The following DDX60 variants were observed in gnomAD, a reference collection of about 807,000 sequenced individuals.
DDX60 encodes the protein probable ATP-dependent RNA helicase DDX60.
Under a neutral mutation model 212.8 loss-of-function variants are expected in DDX60, and 165 were observed. The observed-to-expected ratio is 0.78, with a 90% confidence interval of 0.68 to 0.88. The LOEUF (loss-of-function observed/expected upper bound fraction) is 0.88. DDX60 is among the 40% of genes least tolerant of loss of function. The pLI is 0.00. For synonymous variants in DDX60, 703 were observed against 685.3 expected (o/e 1.03, Z -0.40); for missense variants, 1,905 against 2,003.9 (o/e 0.95, Z 0.94).
At chr4:168,233,510 A>G (rs1253014869) in intron 33 of DDX60, among the ~76,000 whole-genome samples, 1 of 152,102 alleles carries the variant, frequency 6.6e-6, no homozygotes, top group African/African-American at 2.4e-5. Flanking sequence ...CATATGTATT[A>G]TGGAATACTA....
intron 33 of DDX60, among the ~76,000 whole-genome samples, chr4:168,225,934 C>T (rs1347670958): frequency 6.6e-6 from 1 of 152,008 alleles, no homozygotes; most frequent in Non-Finnish European, 1.5e-5. Context: ...ATCAAAACCA[C>T]TTTTAAATAG....
intron 14 of DDX60, among the ~76,000 whole-genome samples, chr4:168,279,080 G>A (rs966839066): frequency 6.6e-6 from 1 of 152,138 alleles, no homozygotes; most frequent in African/African-American, 2.4e-5. Flanking sequence ...GGTACTAGGT[G>A]GCAATGCTGC....
Position 168,224,227 on chromosome 4 carries a change from C to G in DDX60, c.4824+16G>C. ...TCTTAAACAGCTTTTATTAATAAAC[C>G]CCACTCTTCACTTACATGGTTTGGA... On this transcript the variant is annotated intron_variant, in intron 35 of 37. Coordinates refer to ENST00000393743, the MANE Select transcript of DDX60 (RefSeq NM_017631.6). 6.2e-7 allele frequency: 1 copy of G among 1,611,250 alleles called. No individual in the cohort carries two copies. The highest frequency in any genetic ancestry group is 8.5e-7 in the Non-Finnish European group (1 of 1,178,258).
At chr4:168,224,128 GA>G in intron 35 of DDX60, 114 bp downstream of exon 35, 1 of 1,123,530 alleles carries the variant, frequency 8.9e-7, no homozygotes, top group Non-Finnish European at 1.3e-6. Flanking sequence ...GATACACCCA[GA>G]TTTTTTTTTT....
chr4:168,248,292 C>T lies in DDX60; in HGVS notation c.3859G>A (p.Val1287Met). 4 of 1,585,792 alleles carry T rather than the reference C, an allele frequency of 2.5e-6. No homozygotes were observed. The highest frequency in any genetic ancestry group is 2.6e-6 in the Non-Finnish European group (3 of 1,168,506). The change falls in exon 29 of 38, where the codon GTG (valine) becomes ATG (methionine). Residue 1287 changes from valine to methionine, a missense_variant and splice_region_variant. Physicochemically the swap from Val to Met is conservative, Grantham distance 21 (BLOSUM62 1). Transcript: ENST00000393743. ...EILFRKGYLR[V>M]VTATGTLALG... ...GCAAGTGTTCCAGTAGCTGTCACCA[C>T]CTTGAAAGAGAATAAAACAATTACT...
chr4:168,251,535 C>T (rs1050818903), intron 27 of DDX60, among the ~76,000 whole-genome samples: 1 of 152,114 alleles, frequency 6.6e-6, no homozygotes, highest in Non-Finnish European at 1.5e-5. Flanking sequence ...CACAAATGGA[C>T]TTAAAAATAT....
chr4:168,291,969 T>G (rs1219348185), intron 7 of DDX60, 63 bp from the exon 8 acceptor site: 3 of 1,227,916 alleles, frequency 2.4e-6, no homozygotes, highest in Non-Finnish European at 3.3e-6. Context: ...ATAATAAGCA[T>G]CTAGGACCAC....
chr4:168,297,403 A>AG (rs1378366160), intron 6 of DDX60, among the ~76,000 whole-genome samples: 1 of 149,752 alleles, frequency 6.7e-6, no homozygotes, highest in African/African-American at 2.5e-5. Context: ...AAAGAAAGAA[A>AG]GACAATAAAT....
intron 6 of DDX60, among the ~76,000 whole-genome samples, chr4:168,294,756 C>T (rs1736267171): frequency 6.6e-6 from 1 of 152,092 alleles, no homozygotes; most frequent in South Asian, 2.1e-4. Flanking sequence ...CCCACCTAGG[C>T]CTCCCAAAGT....
chr4:168,263,161 T>C (rs540268234), intron 22 of DDX60, among the ~76,000 whole-genome samples: 1 of 152,296 alleles, frequency 6.6e-6, no homozygotes, highest in South Asian at 2.1e-4. Flanking sequence ...AAGAATGTGA[T>C]TCTTTACTTT....
In DDX60 at chr4:168,268,928, T is replaced by G; in HGVS notation, c.2712A>C (p.Glu904Asp). Residue 904 changes from glutamate (E) to aspartate (D), a missense_variant, in exon 20 of 38, where the codon GAA (glutamate) becomes GAC (aspartate). Coordinates refer to ENST00000393743, the MANE Select transcript of DDX60 (RefSeq NM_017631.6). ...GACATCGGATCATGACAAGGAGATGTTCCCAGATTTCTGCTCCAATTTCTC... is the reference window on the plus strand; with the variant it reads ...GACATCGGATCATGACAAGGAGATGGTCCCAGATTTCTGCTCCAATTTCTC... ...LGGEIGAEIW[E>D]HLLVMIRCPF... is the part of the protein sequence containing the mutation. 1.3e-6 allele frequency: 2 copies of G among 1,591,710 alleles called. No homozygotes were observed. The highest frequency in any genetic ancestry group is 2.3e-5 in the South Asian group (2 of 87,226).
At chr4:168,316,795 A>T (rs1306752677) in intron 1 of DDX60, among the ~76,000 whole-genome samples, 2 of 152,086 alleles carry the variant, frequency 1.3e-5, no homozygotes, top group African/African-American at 2.4e-5. Flanking sequence ...CCCAGCCAAA[A>T]AAAAAAGAAA....
At chr4:168,232,692 C>T (rs1733498083) in intron 33 of DDX60, among the ~76,000 whole-genome samples, 1 of 152,010 alleles carries the variant, frequency 6.6e-6, no homozygotes, top group African/African-American at 2.4e-5. Flanking sequence ...TATCTCTCAC[C>T]TTATACAAAA....
At position 168,251,092 on chromosome 4, in the gene DDX60, T is replaced by C; in HGVS notation, c.3720A>G (p.Val1240=). 6.2e-7 allele frequency: 1 copy of C among 1,612,356 alleles called. No homozygotes were observed. The highest frequency in any genetic ancestry group is 1.7e-5 in the Admixed American group (1 of 59,832). ...TTCTTTCAAATTTTACTCGACCAAA[T>C]ACCTTCTGCAAAGTCTAAAAGAAGC... ...KAVDTETLQK[V]FGRVKFERKG... The change falls in exon 28 of 38, where the codon GTA becomes GTG. Residue 1240 remains valine, a synonymous_variant. Coordinates refer to ENST00000393743, the MANE Select transcript of DDX60 (RefSeq NM_017631.6).
chr4:168,255,810 T>C lies in DDX60; in HGVS notation c.3458A>G (p.Lys1153Arg). Reference protein sequence around the residue: ...AESVSTFLKKKQETKRPPKAD... With the variant: ...AESVSTFLKKRQETKRPPKAD... ...TTTGGGAGGCCTTTTTGTCTCCTGC[T>C]TTTTCTTTAGGAAAGTGCTCACACT... Residue 1153 changes from lysine (K) to arginine (R), a missense_variant, in exon 26 of 38, where the codon AAG becomes AGG. Lys to Arg is a conservative substitution (Grantham distance 26). Transcript: ENST00000393743. 6.2e-7 allele frequency: 1 copy of C among 1,608,322 alleles called. No homozygotes were observed. Among genetic ancestry groups the C allele is most frequent in the South Asian group, 1.1e-5 (1 of 89,330 alleles).
At position 168,250,940 on chromosome 4, in the gene DDX60, G is replaced by A; in HGVS notation, c.3858+14C>T. ...TCACAATTTCAATTTTTAGAATGAA[G>A]AAAATTCACCTACCCTAAGATATCC... On this transcript the variant is annotated intron_variant, in intron 28 of 37. Coordinates refer to ENST00000393743, the MANE Select transcript of DDX60 (RefSeq NM_017631.6). 6.4e-7 allele frequency: 1 copy of A among 1,557,336 alleles called. No homozygotes were observed. The highest frequency in any genetic ancestry group is 1.2e-5 in the South Asian group (1 of 82,830).
At chr4:168,217,132 T>C (rs1732875876) in intron 37 of DDX60, 100 bp from the exon 38 acceptor site, 1 of 699,426 alleles carries the variant, frequency 1.4e-6, no homozygotes, top group African/African-American at 1.9e-5. Context: ...TCCCATCAGA[T>C]GATGAAATTA....
chr4:168,261,510 A>C (rs1734622570), intron 24 of DDX60, among the ~76,000 whole-genome samples: 1 of 152,234 alleles, frequency 6.6e-6, no homozygotes, highest in Non-Finnish European at 1.5e-5. Context: ...ATCAAATTTC[A>C]AAATATGAAG....
intron 3 of DDX60, among the ~76,000 whole-genome samples, chr4:168,309,199 T>C (rs1277691674): frequency 6.6e-6 from 1 of 152,204 alleles, no homozygotes; most frequent in Non-Finnish European, 1.5e-5. Flanking sequence ...TGATCTCTCA[T>C]GGTTCTTGCG....
Sources: gnomAD v4.1 joint callset for allele counts (sites outside exome capture counted in the v4.1 genomes callset) on GRCh38, gnomAD v4.1.1 for gene constraint, MANE v1.5 for transcripts, NCBI Gene and HGNC (gene_info 2026-07-23, HGNC 2026-07-21) for gene names.